Variants in ARFRP1 observed in about 807,000 individuals in gnomAD.
The protein encoded by ARFRP1 is ARF related protein 1.
A neutral mutation model predicts 30.3 loss-of-function variants in ARFRP1; 19 were observed. The observed-to-expected ratio is 0.63, with a 90% confidence interval of 0.44 to 0.92. The LOEUF is 0.92. Ranked by LOEUF, ARFRP1 falls within the 40% of genes least tolerant of loss-of-function variation. ARFRP1 has a pLI of 0.00. For missense variants in ARFRP1, 245 were observed against 267.5 expected (o/e 0.92, Z 0.59); for synonymous variants, 133 against 114.2 (o/e 1.16, Z -1.05).
chr20:63,701,477 C>G (rs2091202357), intron 6 of ARFRP1: 14 of 484,814 alleles, frequency 2.9e-5, no homozygotes, highest in South Asian at 1.9e-4. Context: ...AGCTGACTCC[C>G]ACCAGGGCCC....
intron 2 of ARFRP1, 29 bp downstream of exon 2, chr20:63,706,970 A>G: frequency 6.2e-7 from 1 of 1,611,692 alleles, no homozygotes; most frequent in Non-Finnish European, 8.5e-7. Flanking sequence ...GGCCGTGGGA[A>G]AGGTGCGCGC....
At chr20:63,705,008 TC>T in intron 4 of ARFRP1, 1 of 152,904 alleles carries the variant, frequency 6.5e-6, no homozygotes, top group Non-Finnish European at 1.5e-5. Context: ...AGTCGACCTC[TC>T]CTCTCCCGTC....
rs150128369 is a variant in ARFRP1, at chr20:63,702,188, G to A, written c.294C>T (p.Tyr98=). 1.3e-5 allele frequency: 21 copies of A among 1,611,890 alleles called. No homozygotes were observed. The highest frequency in any genetic ancestry group is 2.2e-5 in the East Asian group (1 of 44,876). The change falls in exon 5 of 8, where the codon TAC becomes TAT. Residue 98 remains tyrosine (Y), a synonymous_variant. Coordinates refer to ENST00000622789, the MANE Select transcript of ARFRP1 (RefSeq NM_001267547.3). ...TCTCCTCGTCGGTGGAGTCAATGAC[G>A]TAGATGACGCCGTGACACTCCGCAT... ...KYYAECHGVI[Y]VIDSTDEERL...
At position 63,707,931 on chromosome 20, in the gene ARFRP1, T is replaced by TG; in HGVS notation, c.-72_-71insC. On this transcript the variant is annotated 5_prime_UTR_variant, in exon 1 of 8. Transcript: ENST00000622789. ...CCGCTGACCTCCGCTGACCCCGCGC[T>TG]AACCCCGCGCGGCGCCTGACGGGAC... 6.6e-6 allele frequency: 1 copy of TG among 152,280 alleles called. No homozygotes were observed. 9.4% of individuals were successfully genotyped at this position (152,280 alleles called of 1,614,324 possible). A position where few individuals can be genotyped will look rare whatever the true frequency, so the allele number is the denominator to read the frequency against.
intron 4 of ARFRP1, chr20:63,705,205 A>C (rs2091396126): frequency 6.3e-6 from 1 of 158,374 alleles, no homozygotes; most frequent in African/African-American, 2.4e-5. Flanking sequence ...GTCCTACAGG[A>C]TCTATCAGAG....
chr20:63,706,567 G>A lies in ARFRP1; in HGVS notation c.181+84C>T, dbSNP rs149028886. ...ATGAGACTTGAGAGGGGCCCGACAG[G>A]GCTGTGGCCACGGGCCAGCTGGACT... is the stretch of plus-strand genomic sequence containing the variant. On this transcript the variant is annotated intron_variant, in intron 3 of 7. Transcript: ENST00000622789. 9.0e-5 allele frequency: 137 copies of A among 1,517,218 alleles called. No homozygotes were observed. The African/African-American group carries it at 1.3e-3, about 15-fold the overall frequency. The allele number at this position is 1,517,218 out of a possible 1,614,324, so 94.0% of individuals were successfully genotyped here. A position where few individuals can be genotyped will look rare whatever the true frequency, so the allele number is the denominator to read the frequency against.
intron 1 of ARFRP1, 107 bp from the exon 2 acceptor site, chr20:63,707,204 G>A (rs977374565): frequency 1.5e-5 from 14 of 933,058 alleles, no homozygotes; most frequent in Non-Finnish European, 2.1e-5. Flanking sequence ...CGCTCAGGAC[G>A]AGAGCCTGGG....
chr20:63,703,973 G>A (rs1354137956), intron 4 of ARFRP1: 2 of 152,468 alleles, frequency 1.3e-5, no homozygotes, highest in African/African-American at 4.8e-5. Context: ...GCTGACCCCA[G>A]TGGAGCAGTC....
chr20:63,700,672 C>T lies in ARFRP1; in HGVS notation c.448G>A (p.Ala150Thr). ...TCLSIPDIKT[A>T]FSDCTSKIGR... ...ATCTTGCTGGTGCAGTCGCTGAAGGCCGTCTTGATGTCAGGGATTGAGAGG... is the reference window on the plus strand; with the variant it reads ...ATCTTGCTGGTGCAGTCGCTGAAGGTCGTCTTGATGTCAGGGATTGAGAGG... The change falls in exon 7 of 8, where the codon GCC (alanine) becomes ACC (threonine). Residue 150 changes from alanine (A) to threonine (T), a missense_variant. Physicochemically the swap from Ala to Thr is moderately conservative, Grantham distance 58. Transcript: ENST00000622789. 1 of 1,610,904 alleles carries T rather than the reference C, an allele frequency of 6.2e-7. No individual in the cohort carries two copies. Among genetic ancestry groups the T allele is most frequent in the African/African-American group, 1.3e-5 (1 of 74,988 alleles).
At chr20:63,705,003 A>G in intron 4 of ARFRP1, 1 of 152,288 alleles carries the variant, frequency 6.6e-6, no homozygotes, top group Non-Finnish European at 1.5e-5. Context: ...GCCTGAGTCG[A>G]CCTCTCCTCT....
At position 63,700,192 on chromosome 20, in the gene ARFRP1, G is replaced by A. The variant is rs948522016; in HGVS notation, c.*251C>T. ...CCCCCAGAAAGGGCCTCGAAAGGCC[G>A]CCGCTGCGCCCTGTGGAAAGGCTGC... On this transcript the variant is annotated 3_prime_UTR_variant, in exon 8 of 8. Transcript: ENST00000622789. 46 of 531,776 alleles carry A rather than the reference G, an allele frequency of 8.7e-5. No individual in the cohort carries two copies. Among genetic ancestry groups the A allele is most frequent in the East Asian group, 5.4e-4 (16 of 29,426 alleles). 32.9% of individuals were successfully genotyped at this position (531,776 alleles called of 1,614,324 possible).
Position 63,706,716 on chromosome 20 carries a change from G to A in ARFRP1, c.116C>T (p.Thr39Ile). The change falls in exon 3 of 8, where the codon ACC becomes ATC. Residue 39 changes from threonine (T) to isoleucine (I), a missense_variant. Thr to Ile is a moderately conservative substitution (Grantham distance 89). Transcript: ENST00000622789. ...GKTTFLEQSK[T>I]RFNKNYKGMS... is the part of the protein sequence containing the mutation. ...CCCCTTGTAGTTCTTGTTAAATCGG[G>A]TTTTCGACTGCTCCAGGAAGGTCTG... The A allele has an allele frequency of 2.5e-6, 4 of 1,613,896 alleles. No individual in the cohort carries two copies. The highest frequency in any genetic ancestry group is 1.3e-5 in the African/African-American group (1 of 75,064).
chr20:63,698,845 G>A lies in ARFRP1; in HGVS notation c.*1598C>T. 3.2e-6 allele frequency: 1 copy of A among 309,844 alleles called. No homozygotes were observed. The highest frequency in any genetic ancestry group is 5.8e-6 in the Non-Finnish European group (1 of 171,040). 19.2% of individuals were successfully genotyped at this position (309,844 alleles called of 1,614,324 possible). A position where few individuals can be genotyped will look rare whatever the true frequency, so the allele number is the denominator to read the frequency against. ...AGGATCAGTGGGGAGTGCCACCTCT[G>A]CCCCCAGTGGCTGTGGCACGTGGCA... On this transcript the variant is annotated 3_prime_UTR_variant, in exon 8 of 8. Transcript: ENST00000622789.
At chr20:63,701,691 C>A (rs1462514378) in intron 6 of ARFRP1, 139 bp downstream of exon 6, 2 of 757,142 alleles carry the variant, frequency 2.6e-6, no homozygotes, top group East Asian at 2.7e-5. Flanking sequence ...CTGCTGGGGG[C>A]AGGGCAGGCC....
chr20:63,700,278 C>A lies in ARFRP1; in HGVS notation c.*165G>T, dbSNP rs981658639. The A allele has an allele frequency of 1.8e-6, 2 of 1,091,932 alleles. No homozygotes were observed. The highest frequency in any genetic ancestry group is 1.6e-5 in the African/African-American group (1 of 63,408). The allele number at this position is 1,091,932 out of a possible 1,614,324, so 67.6% of individuals were successfully genotyped here. A position where few individuals can be genotyped will look rare whatever the true frequency, so the allele number is the denominator to read the frequency against. ...CCCCTCCAAAGCCTCCGGATGCCTACGCTTTTCCAGACATAGAGGAAAGTT... is the reference window on the plus strand; with the variant it reads ...CCCCTCCAAAGCCTCCGGATGCCTAAGCTTTTCCAGACATAGAGGAAAGTT... On this transcript the variant is annotated 3_prime_UTR_variant, in exon 8 of 8. Transcript: ENST00000622789.
At chr20:63,707,215 G>A in intron 1 of ARFRP1, 118 bp from the exon 2 acceptor site, 1 of 820,894 alleles carries the variant, frequency 1.2e-6, no homozygotes, top group Non-Finnish European at 1.9e-6. Context: ...AGAGCCTGGG[G>A]GCCATTCCCG....
rs778118171 is a variant in ARFRP1 at position 63,700,493 on chromosome 20, A to C, written c.556T>G (p.Cys186Gly). ...VREGIEWMVKCVVRNVHRPPR... is the reference protein window; with the variant it reads ...VREGIEWMVKGVVRNVHRPPR... ...GGCCGGTGCACATTCCGCACGACAC[A>C]CTTCACCATCCACTCGATGCCCTCG... Residue 186 changes from cysteine to glycine, a missense_variant, in exon 8 of 8, where the codon TGT becomes GGT. By Grantham distance (159) the Cys-to-Gly change is radical. Coordinates refer to ENST00000622789, the MANE Select transcript of ARFRP1 (RefSeq NM_001267547.3). 1 of 1,610,490 alleles carries C rather than the reference A, an allele frequency of 6.2e-7. No homozygotes were observed. Among genetic ancestry groups the C allele is most frequent in the Non-Finnish European group, 8.5e-7 (1 of 1,179,834 alleles).
intron 5 of ARFRP1, 92 bp downstream of exon 5, chr20:63,702,044 G>C: frequency 1.1e-6 from 1 of 949,434 alleles, no homozygotes; most frequent in Admixed American, 2.1e-5. Flanking sequence ...CTTCTGACCA[G>C]ACACTGAGCC....
chr20:63,706,940 AACCG>A, intron 2 of ARFRP1, 55 bp downstream of exon 2: 1 of 1,597,414 alleles, frequency 6.3e-7, no homozygotes, highest in Non-Finnish European at 8.6e-7. Context: ...GACAGCACAA[AACCG>A]AAGGGGGCGC....
Sources: gnomAD v4.1 joint callset for allele counts on GRCh38, gnomAD v4.1.1 for gene constraint, MANE v1.5 for transcripts, NCBI Gene and HGNC (gene_info 2026-07-23, HGNC 2026-07-21) for gene names.